Variants in ANKIB1 observed in about 807,000 individuals in gnomAD.
ANKIB1 encodes ankyrin repeat and IBR domain containing 1, also known as ankyrin repeat and IBR domain-containing protein 1.
A neutral mutation model predicts 122.1 loss-of-function variants in ANKIB1; 43 were observed. The ratio of observed to expected loss-of-function variants is 0.35; its 90% confidence interval spans 0.28 to 0.45. ANKIB1 has a LOEUF of 0.45. ANKIB1 is among the 20% of genes least tolerant of loss of function. The probability of loss-of-function intolerance (pLI) is 1.00; values close to 1 mark genes in which losing one functional copy is unlikely to be tolerated. For missense variants in ANKIB1, 992 were observed against 1,329.5 expected (o/e 0.75, Z 3.95); for synonymous variants, 390 against 442.0 (o/e 0.88, Z 1.48).
In ANKIB1 at chr7:92,365,775, T is replaced by C. The variant is rs998094046; in HGVS notation, c.1486+3502T>C. ...GGGCATATACAGGAGAGTTATAAGA[T>C]ATATTAAATAATCTTTTTTTTTTTT... On this transcript the variant is annotated intron_variant, in intron 10 of 19. Transcript: ENST00000265742. Among the ~76,000 whole-genome samples, 56 of 147,254 alleles carry C rather than the reference T, an allele frequency of 3.8e-4. 1 individual carries two copies. Among genetic ancestry groups the C allele is most frequent in the African/African-American group, 1.3e-3 (53 of 40,032 alleles).
chr7:92,354,025 A>G (rs919175569), intron 9 of ANKIB1, among the ~76,000 whole-genome samples: 2 of 152,196 alleles, frequency 1.3e-5, no homozygotes, highest in African/African-American at 2.4e-5. Context: ...AGAAACTTTG[A>G]TTGGCATTGT....
At chr7:92,268,896 G>A (rs569912923) in intron 1 of ANKIB1, among the ~76,000 whole-genome samples, 1 of 152,192 alleles carries the variant, frequency 6.6e-6, no homozygotes, top group South Asian at 2.1e-4. Flanking sequence ...TAAGTTTAAG[G>A]GATCTAAGGG....
intron 5 of ANKIB1, among the ~76,000 whole-genome samples, chr7:92,336,110 TC>T (rs892331110): frequency 3.3e-5 from 5 of 152,042 alleles, no homozygotes; most frequent in Non-Finnish European, 5.9e-5. Flanking sequence ...ATCATAAATA[TC>T]ACAATGCAGT....
chr7:92,397,643 T>TA, intron 18 of ANKIB1, 80 bp from the exon 19 acceptor site: 1 of 1,545,690 alleles, frequency 6.5e-7, no homozygotes, highest in Admixed American at 1.8e-5. Context: ...ATTGCCCATC[T>TA]AAACAACCAG....
intron 14 of ANKIB1, 48 bp from the exon 15 acceptor site, chr7:92,389,923 A>G: frequency 6.5e-7 from 1 of 1,543,018 alleles, no homozygotes; most frequent in East Asian, 2.3e-5. Flanking sequence ...AATATTATAA[A>G]TGGCATATTT....
In ANKIB1 at chr7:92,362,170, G is replaced by A; in HGVS notation, c.1398-15G>A. The A allele has an allele frequency of 6.3e-7, 1 of 1,578,860 alleles. No homozygotes were observed. Among genetic ancestry groups the A allele is most frequent in the Non-Finnish European group, 8.6e-7 (1 of 1,161,126 alleles). On this transcript the variant is annotated splice_polypyrimidine_tract_variant and intron_variant, in intron 9 of 19. Transcript: ENST00000265742. ...AATATTTTAAAATTGTCTTTTCTGT[G>A]TTTATTTTCTTTAGGGAGTGCCTTG... is the stretch of plus-strand genomic sequence containing the variant.
At chr7:92,252,386 CTTTT>C (rs34891046) in intron 1 of ANKIB1, among the ~76,000 whole-genome samples, 1 of 134,182 alleles carries the variant, frequency 7.5e-6, no homozygotes. Context: ...TAAGGTACTA[CTTTT>C]TTTTTTTTTT....
intron 2 of ANKIB1, among the ~76,000 whole-genome samples, chr7:92,301,174 G>A (rs934387878): frequency 1.3e-5 from 2 of 151,876 alleles, no homozygotes; most frequent in South Asian, 2.1e-4. Flanking sequence ...ATATCTCTTC[G>A]GAGTTTGTGA....
chr7:92,297,525 T>A (rs1305361719), intron 2 of ANKIB1, among the ~76,000 whole-genome samples: 1 of 152,208 alleles, frequency 6.6e-6, no homozygotes, highest in Non-Finnish European at 1.5e-5. Context: ...CATCCTTGAT[T>A]TACTCTTCTT....
chr7:92,332,257 T>C (rs113875070), intron 5 of ANKIB1, among the ~76,000 whole-genome samples: 26 of 152,210 alleles, frequency 1.7e-4, no homozygotes, highest in Non-Finnish European at 3.4e-4. Context: ...TGTGAGTTAG[T>C]GCACATAACT....
At chr7:92,368,022 G>T (rs939692632) in intron 10 of ANKIB1, among the ~76,000 whole-genome samples, 21 of 152,068 alleles carry the variant, frequency 1.4e-4, no homozygotes, top group Non-Finnish European at 1.5e-5. Context: ...TAGGCATTGT[G>T]GCACATGCCT....
intron 4 of ANKIB1, among the ~76,000 whole-genome samples, chr7:92,325,595 A>G (rs1470527490): frequency 3.9e-5 from 6 of 152,006 alleles, no homozygotes; most frequent in Non-Finnish European, 7.4e-5. Context: ...TAAACTTTTA[A>G]CAGTTACAGT....
At chr7:92,371,966 T>G (rs911077906) in intron 11 of ANKIB1, among the ~76,000 whole-genome samples, 2 of 125,608 alleles carry the variant, frequency 1.6e-5, no homozygotes, top group African/African-American at 6.9e-5. Context: ...TGTGTGTGTG[T>G]GTGTGTGTGT....
At chr7:92,334,922 A>G (rs578181092) in intron 5 of ANKIB1, among the ~76,000 whole-genome samples, 1 of 152,034 alleles carries the variant, frequency 6.6e-6, no homozygotes, top group South Asian at 2.1e-4. Context: ...CTATCCATTA[A>G]TTTACTTAGG....
At chr7:92,355,848 C>A (rs1562791091) in intron 9 of ANKIB1, among the ~76,000 whole-genome samples, 4 of 143,384 alleles carry the variant, frequency 2.8e-5, no homozygotes, top group African/African-American at 7.7e-5. Flanking sequence ...GACTCCGTCT[C>A]ATAATAATAA....
At chr7:92,325,033 T>A (rs1802998750) in intron 4 of ANKIB1, among the ~76,000 whole-genome samples, 1 of 152,212 alleles carries the variant, frequency 6.6e-6, no homozygotes, top group Non-Finnish European at 1.5e-5. Context: ...GGTATTTATG[T>A]GATGGCTAGG....
At chr7:92,287,742 A>G (rs1802160696) in intron 1 of ANKIB1, among the ~76,000 whole-genome samples, 1 of 152,126 alleles carries the variant, frequency 6.6e-6, no homozygotes, top group Non-Finnish European at 1.5e-5. Flanking sequence ...CAAATATAAA[A>G]GGAAAAAAAA....
intron 3 of ANKIB1, among the ~76,000 whole-genome samples, chr7:92,308,863 G>A (rs550008785): frequency 6.6e-6 from 1 of 152,190 alleles, no homozygotes; most frequent in East Asian, 1.9e-4. Context: ...GGATTACAGA[G>A]TATCTTTATT....
At chr7:92,286,498 A>C (rs1321304741) in intron 1 of ANKIB1, among the ~76,000 whole-genome samples, 1 of 123,818 alleles carries the variant, frequency 8.1e-6, no homozygotes, top group Non-Finnish European at 1.7e-5. Context: ...TTTTTTTTTG[A>C]GACGGAGTTT....
Sources: allele counts gnomAD v4.1 joint callset (sites outside exome capture counted in the v4.1 genomes callset), GRCh38; gene constraint gnomAD v4.1.1; transcripts MANE v1.5; gene names NCBI Gene and HGNC (gene_info 2026-07-23, HGNC 2026-07-21).